CELSR1: variants seen among roughly 807,000 people sequenced by gnomAD.
CELSR1 encodes adhesion G protein-coupled receptor C1.
A neutral mutation model predicts 249.1 loss-of-function variants in CELSR1; 110 were observed. The observed-to-expected ratio is 0.44, with a 90% confidence interval of 0.38 to 0.52. The LOEUF is 0.52. Among genes scored for constraint, CELSR1 ranks in the 20% least tolerant of loss-of-function variants. The pLI is 0.00. For synonymous variants in CELSR1, 2,113 were observed against 1,900.0 expected (o/e 1.11, Z -2.92); for missense variants, 4,109 against 4,296.4 (o/e 0.96, Z 1.22).
At position 46,362,416 on chromosome 22, in the gene CELSR1, CTG is replaced by C. The variant is rs1440389355; in HGVS notation, c.*805_*806del. On this transcript the variant is annotated 3_prime_UTR_variant, in exon 35 of 35. Transcript: ENST00000674500. Reference sequence around the variant, plus strand: ...AGGACAAACGCACACACAGCGAACACTGGGGACCCAGGGGGCCGGCGGGGAGG... The same window carrying C: ...AGGACAAACGCACACACAGCGAACACGGGACCCAGGGGGCCGGCGGGGAGG... 1.3e-5 allele frequency: 2 copies of C among 152,690 alleles called. No individual in the cohort carries two copies. Among genetic ancestry groups the C allele is most frequent in the Admixed American group, 6.5e-5 (1 of 15,300 alleles). 9.5% of individuals were successfully genotyped at this position (152,690 alleles called of 1,614,324 possible). A position where few individuals can be genotyped will look rare whatever the true frequency, so the allele number is the denominator to read the frequency against.
In CELSR1 at chr22:46,372,898, G is replaced by A; in HGVS notation, c.7744C>T (p.Pro2582Ser). ...RFYYVVGWGI[P>S]AIVTGLAVGL... ...GCATCCTCACCTGTGACAATGGCCG[G>A]GATGCCCCAGCCCACGACGTAGTAG... The change falls in exon 25 of 35, where the codon CCG (proline) becomes TCG (serine). Residue 2582 changes from proline to serine, a missense_variant. Pro to Ser is a moderately conservative substitution (Grantham distance 74, BLOSUM62 -1). Transcript: ENST00000674500. 2 of 1,607,902 alleles carry A rather than the reference G, an allele frequency of 1.2e-6. No homozygotes were observed. Among genetic ancestry groups the A allele is most frequent in the Non-Finnish European group, 1.7e-6 (2 of 1,176,428 alleles).
At chr22:46,510,183 C>T (rs2080558699) in intron 1 of CELSR1, among the ~76,000 whole-genome samples, 1 of 152,222 alleles carries the variant, frequency 6.6e-6, no homozygotes, top group Non-Finnish European at 1.5e-5. Context: ...GTAATAATAA[C>T]AGCTAAGGTC....
Position 46,410,097 on chromosome 22 carries a change from G to T in CELSR1, c.4934-217C>A, listed in dbSNP as rs755142442. On this transcript the variant is annotated intron_variant, in intron 7 of 34. Transcript: ENST00000674500. The surrounding 1 kb of genome is among the most constrained non-coding windows in gnomAD (Gnocchi z 6.8). ...AGACGCTGGGACGCCAGGCCATCAC[G>T]GCAGCCGGCCCGGTCACCTGGTGAC... Among the ~76,000 whole-genome samples the T allele has an allele frequency of 6.6e-6, 1 of 152,204 alleles. No homozygotes were observed. Among genetic ancestry groups the T allele is most frequent in the African/African-American group, 2.4e-5 (1 of 41,454 alleles).
At position 46,486,700 on chromosome 22, in the gene CELSR1, G is replaced by A. The variant is rs183718872; in HGVS notation, c.3545-22355C>T. 1.7e-3 allele frequency among the ~76,000 whole-genome samples: 263 copies of A among 152,014 alleles called. 5 individuals are homozygous for A. Among genetic ancestry groups the A allele is most frequent in the South Asian group, 7.9e-3 (38 of 4,812 alleles). On this transcript the variant is annotated intron_variant, in intron 1 of 34. Transcript: ENST00000674500. Reference sequence around the variant, plus strand: ...TCTACTAAAAATACAAAAATTAGCCGGGCGTAGTGGCGCACACCTGCAATT... The same window carrying A: ...TCTACTAAAAATACAAAAATTAGCCAGGCGTAGTGGCGCACACCTGCAATT...
intron 5 of CELSR1, among the ~76,000 whole-genome samples, chr22:46,431,137 C>G (rs1418099028): frequency 6.6e-6 from 1 of 150,912 alleles, no homozygotes; most frequent in Non-Finnish European, 1.5e-5. Flanking sequence ...CCACCGTCCT[C>G]TGTGTATCTT....
intron 5 of CELSR1, among the ~76,000 whole-genome samples, chr22:46,426,989 T>C (rs2079544793): frequency 6.6e-6 from 1 of 152,040 alleles, no homozygotes; most frequent in Non-Finnish European, 1.5e-5. Context: ...CAGGGGGATG[T>C]GAATGTGCAG....
chr22:46,390,972 G>A lies in CELSR1; in HGVS notation c.6250+214C>T, dbSNP rs960748976. On this transcript the variant is annotated intron_variant, in intron 16 of 34. Transcript: ENST00000674500. The surrounding 1 kb of genome is among the most constrained non-coding windows in gnomAD (Gnocchi z 6.3). Reference sequence around the variant, plus strand: ...GACTGGCCGGGCCTGACTGGCGGGCGTCCCCACACGCGCTGCACTGTTCAT... The same window carrying A: ...GACTGGCCGGGCCTGACTGGCGGGCATCCCCACACGCGCTGCACTGTTCAT... Among the ~76,000 whole-genome samples the A allele has an allele frequency of 6.6e-6, 1 of 152,214 alleles. No homozygotes were observed. Among genetic ancestry groups the A allele is most frequent in the African/African-American group, 2.4e-5 (1 of 41,452 alleles).
In CELSR1 at chr22:46,391,295, A is replaced by G. The variant is rs754808141; in HGVS notation, c.6149-8T>C. The G allele has an allele frequency of 6.8e-6, 11 of 1,611,738 alleles. No homozygotes were observed. The East Asian group carries it at 1.8e-4, about 26-fold the overall frequency. On this transcript the variant is annotated splice_polypyrimidine_tract_variant and splice_region_variant and intron_variant, in intron 15 of 34. Coordinates refer to ENST00000674500, the MANE Select transcript of CELSR1 (RefSeq NM_001378328.1). This position sits in a 1 kb window ranked among gnomAD's most constrained non-coding sequence, Gnocchi z 4.3. ...GACAGCCATTGTAGATCACTGGGGTAGAGAAGAGAGAAGTCTGCTCAGCGG... is the reference window on the plus strand; with the variant it reads ...GACAGCCATTGTAGATCACTGGGGTGGAGAAGAGAGAAGTCTGCTCAGCGG...
Position 46,399,357 on chromosome 22 carries a change from G to C in CELSR1, c.5412+360C>G, listed in dbSNP as rs1026831286. Among the ~76,000 whole-genome samples the C allele has an allele frequency of 2.6e-5, 4 of 152,168 alleles. No homozygotes were observed. The highest frequency in any genetic ancestry group is 9.7e-5 in the African/African-American group (4 of 41,444). On this transcript the variant is annotated intron_variant, in intron 10 of 34. Coordinates refer to ENST00000674500, the MANE Select transcript of CELSR1 (RefSeq NM_001378328.1). The surrounding 1 kb of genome is among the most constrained non-coding windows in gnomAD (Gnocchi z 5.0). ...CTCCCCATCCATGCTCTGAGGGCACGGGCCCCAGCATTGCTACTTCAGTAC... is the reference window on the plus strand; with the variant it reads ...CTCCCCATCCATGCTCTGAGGGCACCGGCCCCAGCATTGCTACTTCAGTAC...
Position 46,535,341 on chromosome 22 carries a change from G to A in CELSR1, c.1830C>T (p.Thr610=), listed in dbSNP as rs1313084798. 7.4e-6 allele frequency: 12 copies of A among 1,612,314 alleles called. No homozygotes were observed. The highest frequency in any genetic ancestry group is 2.2e-5 in the South Asian group (2 of 91,082). ...LHYRLVDTAS[T]FLGGGSAGPK... ...GCCCAGCGCTGCCGCCCCCCAGAAAGGTGGAGGCCGTGTCCACCAGGCGAT... is the reference window on the plus strand; with the variant it reads ...GCCCAGCGCTGCCGCCCCCCAGAAAAGTGGAGGCCGTGTCCACCAGGCGAT... Residue 610 remains threonine (T), a synonymous_variant, in exon 1 of 35, where the codon ACC becomes ACT. Coordinates refer to ENST00000674500, the MANE Select transcript of CELSR1 (RefSeq NM_001378328.1).
intron 2 of CELSR1, among the ~76,000 whole-genome samples, chr22:46,453,490 C>A (rs1051515673): frequency 1.3e-5 from 2 of 152,162 alleles, no homozygotes; most frequent in African/African-American, 4.8e-5. Flanking sequence ...CAAAGTCTAC[C>A]CCCGCTATGT....
chr22:46,513,103 C>A (rs754369177), intron 1 of CELSR1, among the ~76,000 whole-genome samples: 1 of 152,128 alleles, frequency 6.6e-6, no homozygotes, highest in African/African-American at 2.4e-5. Flanking sequence ...GATTCAAACC[C>A]GCGACCACCA....
intron 5 of CELSR1, among the ~76,000 whole-genome samples, chr22:46,421,002 G>A (rs2079465266): frequency 6.6e-6 from 1 of 152,168 alleles, no homozygotes; most frequent in Non-Finnish European, 1.5e-5. Flanking sequence ...GGGTGGGTGA[G>A]AGATGCTGGG....
rs2079218669 is a variant in CELSR1, at chr22:46,402,363, C to G, written c.5227-2461G>C. On this transcript the variant is annotated intron_variant, in intron 9 of 34. Transcript: ENST00000674500. The surrounding 1 kb of genome is among the most constrained non-coding windows in gnomAD (Gnocchi z 5.0). ...TCCCGAGTAGCTGAGATACAGGTAC[C>G]CACCACCACACCCAGCTAATTTTCT... Among the ~76,000 whole-genome samples, 1 of 151,856 alleles carries G rather than the reference C, an allele frequency of 6.6e-6. No homozygotes were observed.
At position 46,536,627 on chromosome 22, in the gene CELSR1, G is replaced by T; in HGVS notation, c.544C>A (p.Arg182Ser). ...CLPPGGSVRL[R>S]LLCALRRAAG... ...GCGCGCCGCAGGGCGCACAGCAGAC[G>T]CAGGCGGACCGAGCCGCCCGGCGGC... The change falls in exon 1 of 35, where the codon CGT becomes AGT. Residue 182 changes from arginine to serine, a missense_variant. Arg to Ser is a moderately radical substitution (Grantham distance 110). This residue lies in a region of CELSR1 where 673 missense variants were observed against 636.8 expected (regional missense o/e 1.06). Coordinates refer to ENST00000674500, the MANE Select transcript of CELSR1 (RefSeq NM_001378328.1). The T allele has an allele frequency of 8.5e-7, 1 of 1,171,050 alleles. No individual in the cohort carries two copies. Among genetic ancestry groups the T allele is most frequent in the Non-Finnish European group, 1.1e-6 (1 of 950,928 alleles). 72.5% of individuals were successfully genotyped at this position (1,171,050 alleles called of 1,614,324 possible). A position where few individuals can be genotyped will look rare whatever the true frequency, so the allele number is the denominator to read the frequency against.
intron 28 of CELSR1, among the ~76,000 whole-genome samples, chr22:46,367,403 C>A (rs1487380041): frequency 2.0e-5 from 3 of 152,246 alleles, no homozygotes; most frequent in Admixed American, 2.0e-4. Context: ...GTCCTTGGGG[C>A]CCCTCTGGGG....
At position 46,389,312 on chromosome 22, in the gene CELSR1, G is replaced by T. The variant is rs534737219; in HGVS notation, c.6533C>A (p.Thr2178Lys). The T allele has an allele frequency of 6.2e-7, 1 of 1,607,942 alleles. No individual in the cohort carries two copies. ...TACCTCGTGAAAGTCGGCGTCCTGC[G>T]TGGCTGCCAGGTCGAAGCCCTGCTG... ...SWQQGFDLAA[T>K]QDADFHEDVI... The change falls in exon 18 of 35, where the codon ACG becomes AAG. Residue 2178 changes from threonine (T) to lysine (K), a missense_variant. Around this residue, in one of 7 missense-constraint regions of CELSR1, gnomAD observed 1,805 missense variants for 1,831.6 expected, o/e 0.99. Coordinates refer to ENST00000674500, the MANE Select transcript of CELSR1 (RefSeq NM_001378328.1).
rs1389559723 is a variant in CELSR1 at position 46,533,943 on chromosome 22, G to A, written c.3228C>T (p.Ala1076=). 6 of 1,613,100 alleles carry A rather than the reference G, an allele frequency of 3.7e-6. No homozygotes were observed. Among genetic ancestry groups the A allele is most frequent in the Middle Eastern group, 1.6e-4 (1 of 6,084 alleles). Residue 1076 remains alanine (A), a synonymous_variant, in exon 1 of 35, where the codon GCC becomes GCT. Transcript: ENST00000674500. ...VRREYVLVVQ[A]TSAPLVSRAT... is the part of the protein sequence containing the mutation. ...CTCGGCTCACCAGCGGAGCCGACGT[G>A]GCCTGCACCACCAGCACATACTCCC...
chr22:46,534,610 T>A lies in CELSR1; in HGVS notation c.2561A>T (p.Asn854Ile), dbSNP rs753577356. ...GATGGTCAGCGTGTAGGCGACCTGG[T>A]TCTCATAGTCCAGCTCCATCATGGT... is the stretch of plus-strand genomic sequence containing the variant. Reference protein sequence around the residue: ...MYTMMELDYENQVAYTLTIMA... With the variant: ...MYTMMELDYEIQVAYTLTIMA... Residue 854 changes from asparagine to isoleucine, a missense_variant, in exon 1 of 35, where the codon AAC becomes ATC. By Grantham distance (149) the Asn-to-Ile change is moderately radical. This residue lies in a region of CELSR1 where 886 missense variants were observed against 896.5 expected (regional missense o/e 0.99). Transcript: ENST00000674500. The surrounding 1 kb of genome is among the most constrained non-coding windows in gnomAD (Gnocchi z 9.7). 3 of 1,613,714 alleles carry A rather than the reference T, an allele frequency of 1.9e-6. No homozygotes were observed. Among genetic ancestry groups the A allele is most frequent in the Non-Finnish European group, 2.5e-6 (3 of 1,180,012 alleles).
Sources: gnomAD v4.1 joint callset for allele counts (sites outside exome capture counted in the v4.1 genomes callset) on GRCh38, gnomAD v4.1.1 for gene constraint, gnomAD v4.1.1 regional missense constraint, Gnocchi (gnomAD v3.1) non-coding constraint, MANE v1.5 for transcripts, NCBI Gene and HGNC (gene_info 2026-07-23, HGNC 2026-07-21) for gene names.